The following CAMK1D variants were observed in gnomAD, a reference collection of about 807,000 sequenced individuals.
The protein encoded by CAMK1D is calcium/calmodulin dependent protein kinase ID.
A neutral mutation model predicts 47.7 loss-of-function variants in CAMK1D; 9 were observed. The ratio of observed to expected loss-of-function variants is 0.19; its 90% CI spans 0.11 to 0.33. The LOEUF is 0.33. Ranked by LOEUF, CAMK1D falls within the 10% of genes least tolerant of loss-of-function variation. The probability of loss-of-function intolerance (pLI) is 1.00; values close to 1 mark genes in which losing one functional copy is unlikely to be tolerated. For missense variants in CAMK1D, 291 were observed against 488.7 expected (o/e 0.60, Z 3.81); for synonymous variants, 184 against 184.9 (o/e 0.99, Z 0.04).
intron 1 of CAMK1D, among the ~76,000 whole-genome samples, chr10:12,544,298 C>G (rs551288174): frequency 6.6e-6 from 1 of 152,130 alleles, no homozygotes; most frequent in Middle Eastern, 3.4e-3. Context: ...AAATAAATGT[C>G]TTGTCACAAC....
intron 1 of CAMK1D, among the ~76,000 whole-genome samples, chr10:12,387,996 T>A (rs1440886352): frequency 1.3e-5 from 2 of 152,110 alleles, no homozygotes; most frequent in Non-Finnish European, 2.9e-5. Context: ...AAGCCTCAGC[T>A]CTTTTCTCCC....
chr10:12,579,958 A>G (rs933936164), intron 2 of CAMK1D, among the ~76,000 whole-genome samples: 7 of 152,150 alleles, frequency 4.6e-5, no homozygotes, highest in Non-Finnish European at 8.8e-5. Context: ...TTCTTTAGAA[A>G]AGTGTCCACT....
intron 3 of CAMK1D, among the ~76,000 whole-genome samples, chr10:12,743,826 C>A (rs7921415): frequency 0.015 from 2,323 of 152,280 alleles, 39 homozygotes; most frequent in East Asian, 0.067. Flanking sequence ...AGTTCAAGAC[C>A]AGACTGGTCA....
intron 2 of CAMK1D, among the ~76,000 whole-genome samples, chr10:12,660,610 G>A (rs539126886): frequency 1.1e-4 from 16 of 152,214 alleles, no homozygotes; most frequent in Non-Finnish European, 2.1e-4. Flanking sequence ...GACTCTCTCT[G>A]CCTGGACCCA....
At chr10:12,370,517 G>A (rs1329902351) in intron 1 of CAMK1D, among the ~76,000 whole-genome samples, 3 of 152,146 alleles carry the variant, frequency 2.0e-5, no homozygotes, top group African/African-American at 2.4e-5. Flanking sequence ...GATACTGTGC[G>A]TGAAGACCTT....
chr10:12,502,010 T>A (rs1433194274), intron 1 of CAMK1D, among the ~76,000 whole-genome samples: 1 of 152,000 alleles, frequency 6.6e-6, no homozygotes, highest in African/African-American at 2.4e-5. Context: ...TGAGCTGGGA[T>A]AGAACTGAGG....
At chr10:12,653,607 A>G (rs1010253665) in intron 2 of CAMK1D, among the ~76,000 whole-genome samples, 2 of 152,244 alleles carry the variant, frequency 1.3e-5, no homozygotes, top group Non-Finnish European at 2.9e-5. Flanking sequence ...TCATCTCTGA[A>G]TGTGGGCACT....
At chr10:12,523,568 C>T (rs1212760371) in intron 1 of CAMK1D, among the ~76,000 whole-genome samples, 2 of 152,118 alleles carry the variant, frequency 1.3e-5, no homozygotes, top group East Asian at 1.9e-4. Context: ...CACAGCGAAA[C>T]CCCGTCTCCA....
chr10:12,561,611 G>A (rs1300694751), intron 2 of CAMK1D, among the ~76,000 whole-genome samples: 3 of 152,158 alleles, frequency 2.0e-5, no homozygotes, highest in African/African-American at 7.2e-5. Context: ...ACTCAGCTTT[G>A]TTTCTGACCA....
At chr10:12,716,441 T>C (rs1834140421) in intron 3 of CAMK1D, among the ~76,000 whole-genome samples, 1 of 152,216 alleles carries the variant, frequency 6.6e-6, no homozygotes, top group African/African-American at 2.4e-5. Flanking sequence ...TGGGCCTGCC[T>C]ACTGTTCCGT....
At chr10:12,366,621 T>C (rs1165896402) in intron 1 of CAMK1D, among the ~76,000 whole-genome samples, 1 of 151,922 alleles carries the variant, frequency 6.6e-6, no homozygotes, top group Non-Finnish European at 1.5e-5. Flanking sequence ...ATTGCGTGAC[T>C]GCACTCCAGC....
intron 2 of CAMK1D, among the ~76,000 whole-genome samples, chr10:12,595,382 A>T (rs1011315128): frequency 7.7e-6 from 1 of 129,274 alleles, no homozygotes; most frequent in Non-Finnish European, 1.6e-5. Flanking sequence ...TTTAGGAGAG[A>T]TTCTTCTTTT....
At chr10:12,491,493 G>T (rs1834382032) in intron 1 of CAMK1D, among the ~76,000 whole-genome samples, 2 of 152,050 alleles carry the variant, frequency 1.3e-5, no homozygotes, top group South Asian at 4.2e-4. Flanking sequence ...TGTTGTGAGG[G>T]GGTGGGTGGA....
At chr10:12,591,687 G>GGGTT (rs923832119) in intron 2 of CAMK1D, among the ~76,000 whole-genome samples, 15 of 152,240 alleles carry the variant, frequency 9.9e-5, no homozygotes, top group African/African-American at 3.4e-4. Context: ...CTACATAATA[G>GGGTT]GGTTGGTTGG....
At chr10:12,730,893 A>G (rs1184047538) in intron 3 of CAMK1D, among the ~76,000 whole-genome samples, 4 of 152,198 alleles carry the variant, frequency 2.6e-5, no homozygotes, top group Admixed American at 2.6e-4. Context: ...TAGGGCCAGA[A>G]GCTTGATTGG....
At chr10:12,424,823 A>G (rs995880492) in intron 1 of CAMK1D, among the ~76,000 whole-genome samples, 4 of 152,134 alleles carry the variant, frequency 2.6e-5, no homozygotes, top group Non-Finnish European at 4.4e-5. Context: ...AAAAAAACCA[A>G]AAACCCATTA....
intron 1 of CAMK1D, among the ~76,000 whole-genome samples, chr10:12,504,295 C>T (rs1019104124): frequency 6.6e-6 from 1 of 151,674 alleles, no homozygotes; most frequent in Non-Finnish European, 1.5e-5. Flanking sequence ...TAATTCAGTC[C>T]GACAGTCCAA....
At chr10:12,416,653 G>C (rs1226802531) in intron 1 of CAMK1D, among the ~76,000 whole-genome samples, 6 of 152,234 alleles carry the variant, frequency 3.9e-5, no homozygotes, top group Admixed American at 6.5e-5. Flanking sequence ...TGTAAGGCCG[G>C]GGTCTTGCTG....
intron 3 of CAMK1D, among the ~76,000 whole-genome samples, chr10:12,751,650 A>T (rs988260106): frequency 1.3e-5 from 2 of 152,200 alleles, no homozygotes; most frequent in African/African-American, 4.8e-5. Context: ...GAATGTATTG[A>T]GGGGTCTCAT....
Sources: gnomAD v4.1 joint callset for allele counts (sites outside exome capture counted in the v4.1 genomes callset) on GRCh38, gnomAD v4.1.1 for gene constraint, MANE v1.5 for transcripts, NCBI Gene and HGNC (gene_info 2026-07-23, HGNC 2026-07-21) for gene names.